Variants in ZBTB38 observed in about 807,000 individuals in gnomAD.
ZBTB38 encodes the protein zinc finger and BTB domain-containing protein 38.
A neutral mutation model predicts 76.8 loss-of-function variants in ZBTB38; 20 were observed. The ratio of observed to expected loss-of-function variants is 0.26; its 90% CI spans 0.18 to 0.38. The LOEUF (loss-of-function observed/expected upper bound fraction) is 0.38. Among genes scored for constraint, ZBTB38 ranks in the 10% least tolerant of loss-of-function variants. The pLI is 1.00. For missense variants in ZBTB38, 1,082 were observed against 1,482.3 expected (o/e 0.73, Z 4.43); for synonymous variants, 504 against 544.2 (o/e 0.93, Z 1.03).
intron 5 of ZBTB38, among the ~76,000 whole-genome samples, chr3:141,440,707 T>C (rs1260556548): frequency 1.3e-5 from 2 of 152,050 alleles, no homozygotes; most frequent in South Asian, 2.1e-4. Context: ...GATCTATTAC[T>C]GGGTAGTGAA....
intron 1 of ZBTB38, among the ~76,000 whole-genome samples, chr3:141,349,707 G>A (rs2148929513): frequency 6.6e-6 from 1 of 152,102 alleles, no homozygotes; most frequent in East Asian, 1.9e-4. Context: ...TCCAGCCTGG[G>A]CAACAGAGTG....
At chr3:141,325,057 A>G (rs2148865419) in intron 1 of ZBTB38, among the ~76,000 whole-genome samples, 1 of 152,352 alleles carries the variant, frequency 6.6e-6, no homozygotes, top group Non-Finnish European at 1.5e-5. Context: ...AAAACAGTGA[A>G]GAACTTTATT....
At chr3:141,327,945 T>C (rs1942723288) in intron 1 of ZBTB38, among the ~76,000 whole-genome samples, 1 of 152,166 alleles carries the variant, frequency 6.6e-6, no homozygotes, top group African/African-American at 2.4e-5. Flanking sequence ...CCTTGAGAAA[T>C]TTTATAACCA....
At chr3:141,428,641 A>G (rs2076850375) in intron 5 of ZBTB38, among the ~76,000 whole-genome samples, 1 of 151,934 alleles carries the variant, frequency 6.6e-6, no homozygotes, top group Non-Finnish European at 1.5e-5. Context: ...GCGCCTGCTA[A>G]TATTTTGTAT....
At chr3:141,440,895 G>A (rs1243657043) in intron 5 of ZBTB38, among the ~76,000 whole-genome samples, 8 of 151,798 alleles carry the variant, frequency 5.3e-5, no homozygotes, top group South Asian at 4.2e-4. Context: ...TTAGCTGGGC[G>A]TGGTGGCATG....
At chr3:141,342,860 A>G (rs1184094558) in intron 1 of ZBTB38, among the ~76,000 whole-genome samples, 1 of 151,840 alleles carries the variant, frequency 6.6e-6, no homozygotes, top group African/African-American at 2.4e-5. Flanking sequence ...AAGAAAAATT[A>G]TGAACAAGAG....
At chr3:141,433,058 A>G (rs140831937) in intron 5 of ZBTB38, among the ~76,000 whole-genome samples, 1 of 152,300 alleles carries the variant, frequency 6.6e-6, no homozygotes, top group East Asian at 1.9e-4. Flanking sequence ...AGAAATAGTC[A>G]TTGCCTCAAA....
intron 5 of ZBTB38, among the ~76,000 whole-genome samples, chr3:141,438,848 G>A (rs941245249): frequency 1.3e-5 from 2 of 151,928 alleles, no homozygotes; most frequent in African/African-American, 4.8e-5. Flanking sequence ...ACATGCTGAG[G>A]CCTGCCATGT....
chr3:141,410,914 G>C (rs533504283), intron 5 of ZBTB38, among the ~76,000 whole-genome samples: 1 of 152,248 alleles, frequency 6.6e-6, no homozygotes, highest in African/African-American at 2.4e-5. Flanking sequence ...GCATTTTCAT[G>C]AAAAATCCAG....
Position 141,443,262 on chromosome 3 carries a change from G to A in ZBTB38, c.874G>A (p.Val292Ile), listed in dbSNP as rs2080619620. The change falls in exon 6 of 6, where the codon GTT becomes ATT. Residue 292 changes from valine to isoleucine, a missense_variant. Coordinates refer to ENST00000321464, the MANE Select transcript of ZBTB38 (RefSeq NM_001376113.1). The surrounding 1 kb of genome is among the most constrained non-coding windows in gnomAD (Gnocchi z 5.6). The stretch of plus-strand genomic sequence containing the variant: ...ACCCCCTCCAGTATCCAACTTAGAG[G>A]TTAATCAAGAAAGAAGTCCACAACC... ...IPPPPVSNLE[V>I]NQERSPQPAA... 3 of 1,614,180 alleles carry A rather than the reference G, an allele frequency of 1.9e-6. No individual in the cohort carries two copies. Among genetic ancestry groups the A allele is most frequent in the East Asian group, 2.2e-5 (1 of 44,888 alleles).
At chr3:141,407,759 A>AG (rs1465716594) in intron 5 of ZBTB38, among the ~76,000 whole-genome samples, 1 of 152,284 alleles carries the variant, frequency 6.6e-6, no homozygotes, top group East Asian at 1.9e-4. Flanking sequence ...TGCGAAGCAG[A>AG]GGAAGAGATA....
Position 141,445,665 on chromosome 3 carries a change from C to T in ZBTB38, c.3277C>T (p.Arg1093Cys), listed in dbSNP as rs1439498042. ...IHERIHTGEK[R>C]YHCQFCFQRF... Reference sequence around the variant, plus strand: ...TGAAAGAATCCATACTGGAGAAAAGCGTTACCACTGTCAGTTCTGCTTTCA... The same window carrying T: ...TGAAAGAATCCATACTGGAGAAAAGTGTTACCACTGTCAGTTCTGCTTTCA... The change falls in exon 6 of 6, where the codon CGT becomes TGT. Residue 1093 changes from arginine (R) to cysteine (C), a missense_variant. By Grantham distance (180) the Arg-to-Cys change is radical. This residue lies in a region of ZBTB38 where 69 missense variants were observed against 148.2 expected (regional missense o/e 0.47). Transcript: ENST00000321464. The surrounding 1 kb of genome is among the most constrained non-coding windows in gnomAD (Gnocchi z 6.5). 4.3e-6 allele frequency: 7 copies of T among 1,614,060 alleles called. No individual in the cohort carries two copies. The highest frequency in any genetic ancestry group is 2.2e-5 in the South Asian group (2 of 91,088).
intron 2 of ZBTB38, among the ~76,000 whole-genome samples, chr3:141,372,514 G>T (rs116086535): frequency 0.036 from 5,434 of 151,966 alleles, 103 homozygotes; most frequent in African/African-American, 0.042. Context: ...TAGCCGAGCA[G>T]GGTGGCGCAC....
chr3:141,348,984 C>T (rs1212083351), intron 1 of ZBTB38, among the ~76,000 whole-genome samples: 1 of 152,152 alleles, frequency 6.6e-6, no homozygotes, highest in Admixed American at 6.6e-5. Context: ...AGGAGGAAAT[C>T]TTTGCAATGC....
At chr3:141,437,765 C>A (rs2079117892) in intron 5 of ZBTB38, among the ~76,000 whole-genome samples, 1 of 152,164 alleles carries the variant, frequency 6.6e-6, no homozygotes. Context: ...ATCTGTAAAG[C>A]TGTACTATCT....
chr3:141,362,003 G>A (rs766645529), intron 1 of ZBTB38, among the ~76,000 whole-genome samples: 3 of 152,132 alleles, frequency 2.0e-5, no homozygotes, highest in Non-Finnish European at 2.9e-5. Flanking sequence ...AAATCGAAAC[G>A]AAAGTGTTAG....
chr3:141,446,581 A>G lies in ZBTB38; in HGVS notation c.*605A>G, dbSNP rs1287933247. 1 of 152,744 alleles carries G rather than the reference A, an allele frequency of 6.5e-6. No individual in the cohort carries two copies. Among genetic ancestry groups the G allele is most frequent in the African/African-American group, 2.4e-5 (1 of 41,472 alleles). The allele number at this position is 152,744 out of a possible 1,614,324, so 9.5% of individuals were successfully genotyped here. On this transcript the variant is annotated 3_prime_UTR_variant, in exon 6 of 6. Coordinates refer to ENST00000321464, the MANE Select transcript of ZBTB38 (RefSeq NM_001376113.1). ...CTTTTCTGCAACACAAACCTTGTAAAATACATATATAAATCACTATAACTT... is the reference window on the plus strand; with the variant it reads ...CTTTTCTGCAACACAAACCTTGTAAGATACATATATAAATCACTATAACTT...
intron 5 of ZBTB38, among the ~76,000 whole-genome samples, chr3:141,434,402 CG>C (rs1234817729): frequency 5.7e-5 from 3 of 52,730 alleles, no homozygotes; most frequent in African/African-American, 2.1e-4. Flanking sequence ...ACTGGGGGGG[CG>C]GGGGGAGTAT....
chr3:141,370,463 T>C (rs1335505683), intron 2 of ZBTB38, among the ~76,000 whole-genome samples: 1 of 152,244 alleles, frequency 6.6e-6, no homozygotes, highest in East Asian at 1.9e-4. Flanking sequence ...CACTTAGCAG[T>C]GACAGCTCTG....
Sources: gnomAD v4.1 joint callset for allele counts (sites outside exome capture counted in the v4.1 genomes callset) on GRCh38, gnomAD v4.1.1 for gene constraint, gnomAD v4.1.1 regional missense constraint, Gnocchi (gnomAD v3.1) non-coding constraint, MANE v1.5 for transcripts, NCBI Gene and HGNC (gene_info 2026-07-23, HGNC 2026-07-21) for gene names.